ST8SIA5: variants seen among roughly 807,000 people sequenced by gnomAD.
ST8SIA5 encodes the protein alpha-2,8-sialyltransferase 8E.
ST8SIA5 carries 24 observed loss-of-function variants against 40.2 expected under a neutral mutation model. The observed-to-expected ratio is 0.60, with a 90% confidence interval of 0.43 to 0.84. The LOEUF (loss-of-function observed/expected upper bound fraction) is 0.84. Among genes scored for constraint, ST8SIA5 ranks in the 40% least tolerant of loss-of-function variants. The probability of loss-of-function intolerance (pLI) is 0.00; values close to 1 mark genes in which losing one functional copy is unlikely to be tolerated. For missense variants in ST8SIA5, 465 were observed against 498.5 expected (o/e 0.93, Z 0.64); for synonymous variants, 198 against 201.8 (o/e 0.98, Z 0.16).
At chr18:46,746,946 C>T (rs1599154597) in intron 1 of ST8SIA5, among the ~76,000 whole-genome samples, 3 of 152,236 alleles carry the variant, frequency 2.0e-5, no homozygotes, top group Middle Eastern at 6.8e-3. Context: ...CTTTGACAAA[C>T]CTGACAAAAA....
chr18:46,700,220 T>A lies in ST8SIA5; in HGVS notation c.224+4352A>T, dbSNP rs1020224326. 2.6e-5 allele frequency among the ~76,000 whole-genome samples: 4 copies of A among 152,362 alleles called. No homozygotes were observed. The East Asian group carries it at 7.7e-4, about 29-fold the overall frequency. ...GGAGGCATTTTCCATGTGGGGATTTTCTGGCTGACTGACTTTTACCACTGA... is the reference window on the plus strand; with the variant it reads ...GGAGGCATTTTCCATGTGGGGATTTACTGGCTGACTGACTTTTACCACTGA... On this transcript the variant is annotated intron_variant, in intron 2 of 6. Transcript: ENST00000315087.
At chr18:46,696,141 C>A (rs1189306736) in intron 2 of ST8SIA5, among the ~76,000 whole-genome samples, 1 of 152,204 alleles carries the variant, frequency 6.6e-6, no homozygotes, top group Non-Finnish European at 1.5e-5. Flanking sequence ...GTATTCCGGG[C>A]TGAGAGAAAA....
At chr18:46,741,147 A>G (rs2040083123) in intron 1 of ST8SIA5, among the ~76,000 whole-genome samples, 1 of 152,152 alleles carries the variant, frequency 6.6e-6, no homozygotes, top group African/African-American at 2.4e-5. Flanking sequence ...CAATGTAAAA[A>G]ACAGAAAAAG....
chr18:46,735,067 G>A (rs1331368660), intron 1 of ST8SIA5, among the ~76,000 whole-genome samples: 1 of 152,200 alleles, frequency 6.6e-6, no homozygotes, highest in Non-Finnish European at 1.5e-5. Context: ...TGAGTCTCCT[G>A]GCCTTCATCT....
intron 1 of ST8SIA5, among the ~76,000 whole-genome samples, chr18:46,708,730 C>A (rs1263880845): frequency 1.3e-5 from 2 of 152,176 alleles, no homozygotes; most frequent in South Asian, 2.1e-4. Flanking sequence ...GAAATCCCAA[C>A]GACGGCTCTT....
intron 1 of ST8SIA5, among the ~76,000 whole-genome samples, chr18:46,729,983 TC>T (rs1244931367): frequency 1.3e-5 from 2 of 152,138 alleles, no homozygotes; most frequent in African/African-American, 2.4e-5. Flanking sequence ...TTGTTAGTTC[TC>T]AGTGAGGGGC....
chr18:46,719,716 T>TTCTTTCTTTCTTTCTTTCTC lies in ST8SIA5; in HGVS notation c.132-15053_132-15052insGAGAAAGAAAGAAAGAAAGA, dbSNP rs1432154888. ...TTTCTTTCTTTCTTTCTCTCTTTCTTTCTCTCTTTCTCTCTCTTCTTTCCT... is the reference window on the plus strand; with the variant it reads ...TTTCTTTCTTTCTTTCTCTCTTTCTTTCTTTCTTTCTTTCTTTCTCTCTCTCTTTCTCTCTCTTCTTTCCT... On this transcript the variant is annotated intron_variant, in intron 1 of 6. Transcript: ENST00000315087. Among the ~76,000 whole-genome samples, 7 of 150,796 alleles carry TTCTTTCTTTCTTTCTTTCTC rather than the reference T, an allele frequency of 4.6e-5. 1 individual carries two copies. The East Asian group carries it at 1.2e-3, about 25-fold the overall frequency.
chr18:46,689,235 G>T (rs886151562), intron 3 of ST8SIA5, among the ~76,000 whole-genome samples: 1 of 152,036 alleles, frequency 6.6e-6, no homozygotes, highest in African/African-American at 2.4e-5. Flanking sequence ...CTCATTCAGG[G>T]CCCAGGCCAG....
At chr18:46,740,154 G>A (rs2040074065) in intron 1 of ST8SIA5, among the ~76,000 whole-genome samples, 1 of 152,072 alleles carries the variant, frequency 6.6e-6, no homozygotes, top group Non-Finnish European at 1.5e-5. Context: ...CAATTAAAAT[G>A]TCTTTTAATT....
chr18:46,680,253 G>A lies in ST8SIA5; in HGVS notation c.920C>T (p.Thr307Ile), dbSNP rs1401294962. 5.0e-6 allele frequency: 8 copies of A among 1,614,126 alleles called. No homozygotes were observed. Among genetic ancestry groups the A allele is most frequent in the Non-Finnish European group, 6.8e-6 (8 of 1,180,046 alleles). Reference protein sequence around the residue: ...KRISTGLILVTAALELCEEVH... With the variant: ...KRISTGLILVIAALELCEEVH... ...CTCCTCACAGAGCTCCAGCGCCGCAGTGACCAGAATGAGGCCGGTGCTGAT... is the reference window on the plus strand; with the variant it reads ...CTCCTCACAGAGCTCCAGCGCCGCAATGACCAGAATGAGGCCGGTGCTGAT... The change falls in exon 7 of 7, where the codon ACT becomes ATT. Residue 307 changes from threonine to isoleucine, a missense_variant. Coordinates refer to ENST00000315087, the MANE Select transcript of ST8SIA5 (RefSeq NM_013305.6).
At chr18:46,708,758 G>A (rs533576866) in intron 1 of ST8SIA5, among the ~76,000 whole-genome samples, 37 of 152,128 alleles carry the variant, frequency 2.4e-4, no homozygotes, top group African/African-American at 7.0e-4. Context: ...CTTCCCCCTC[G>A]CTCCCTCTGC....
At position 46,680,521 on chromosome 18, in the gene ST8SIA5, C is replaced by A. The variant is rs752155636; in HGVS notation, c.663-11G>T. ...TCCAGCTTGTGGAACCTACACAGGG[C>A]GCGAGTGAGAGGTGAGCACCCACTC... On this transcript the variant is annotated splice_polypyrimidine_tract_variant and intron_variant, in intron 6 of 6. Transcript: ENST00000315087. 3 of 1,563,400 alleles carry A rather than the reference C, an allele frequency of 1.9e-6. No homozygotes were observed. The highest frequency in any genetic ancestry group is 2.3e-5 in the East Asian group (1 of 43,216).
intron 2 of ST8SIA5, among the ~76,000 whole-genome samples, chr18:46,703,102 C>G (rs566292593): frequency 1.3e-5 from 2 of 152,318 alleles, no homozygotes; most frequent in African/African-American, 4.8e-5. Flanking sequence ...ATGTGCGCTA[C>G]TGAGCATGAA....
intron 1 of ST8SIA5, among the ~76,000 whole-genome samples, chr18:46,730,908 G>A (rs2039979296): frequency 6.6e-6 from 1 of 152,206 alleles, no homozygotes; most frequent in South Asian, 2.1e-4. Flanking sequence ...CTGAGACCCA[G>A]AGTTAAAGGC....
chr18:46,702,955 C>T lies in ST8SIA5; in HGVS notation c.224+1617G>A, dbSNP rs189849997. Among the ~76,000 whole-genome samples the T allele has an allele frequency of 1.2e-4, 18 of 152,330 alleles. No homozygotes were observed. The East Asian group carries it at 3.5e-3, about 29-fold the overall frequency. On this transcript the variant is annotated intron_variant, in intron 2 of 6. Coordinates refer to ENST00000315087, the MANE Select transcript of ST8SIA5 (RefSeq NM_013305.6). ...TAATCCCAGCTGGATGCTGGTCTCA[C>T]CCTTGGAGCTTTCCAGGAACCGCTG...
At position 46,756,542 on chromosome 18, in the gene ST8SIA5, G is replaced by A; in HGVS notation, c.-34C>T. ...CCGGGCGCCGCGGGCGCGGGGTACG[G>A]GGCGGCCAGGCAATGACTCGCGGGG... is the stretch of plus-strand genomic sequence containing the variant. On this transcript the variant is annotated 5_prime_UTR_variant, in exon 1 of 7. Coordinates refer to ENST00000315087, the MANE Select transcript of ST8SIA5 (RefSeq NM_013305.6). The A allele has an allele frequency of 6.2e-7, 1 of 1,608,986 alleles. No individual in the cohort carries two copies. The highest frequency in any genetic ancestry group is 8.5e-7 in the Non-Finnish European group (1 of 1,177,320).
intron 1 of ST8SIA5, chr18:46,730,160 G>A: frequency 1.0e-6 from 1 of 985,190 alleles, no homozygotes; most frequent in Non-Finnish European, 1.2e-6. Context: ...CCCAGAAGTG[G>A]CCACTTTCTT....
chr18:46,703,321 GT>G (rs113991759), intron 2 of ST8SIA5, among the ~76,000 whole-genome samples: 1 of 151,478 alleles, frequency 6.6e-6, no homozygotes, highest in East Asian at 1.9e-4. Context: ...AATTTTTTGT[GT>G]TTTTTTTAGT....
At chr18:46,701,190 G>A (rs1420646383) in intron 2 of ST8SIA5, among the ~76,000 whole-genome samples, 1 of 131,342 alleles carries the variant, frequency 7.6e-6, no homozygotes, top group Non-Finnish European at 1.5e-5. Flanking sequence ...AGTTATGCTG[G>A]AGTGCAATGG....
Sources: gnomAD v4.1 joint callset for allele counts (sites outside exome capture counted in the v4.1 genomes callset) on GRCh38, gnomAD v4.1.1 for gene constraint, MANE v1.5 for transcripts, NCBI Gene and HGNC (gene_info 2026-07-23, HGNC 2026-07-21) for gene names.